The following AP1B1 variants were observed in gnomAD, a reference collection of about 807,000 sequenced individuals.
AP1B1 encodes the protein AP-1 complex subunit beta-1.
Under a neutral mutation model 104.3 loss-of-function variants are expected in AP1B1, and 36 were observed. That is an observed-to-expected ratio of 0.35 (90% confidence interval 0.26 to 0.46). The LOEUF is 0.46. AP1B1 is among the 20% of genes least tolerant of loss of function. AP1B1 has a pLI of 1.00. For synonymous variants in AP1B1, 504 were observed against 517.5 expected (o/e 0.97, Z 0.35); for missense variants, 901 against 1,247.9 (o/e 0.72, Z 4.19).
intron 2 of AP1B1, among the ~76,000 whole-genome samples, chr22:29,366,769 A>G (rs2062144553): frequency 1.3e-5 from 2 of 151,678 alleles, no homozygotes; most frequent in African/African-American, 4.8e-5. Flanking sequence ...ACTGCACTCC[A>G]GCCTGGGTGA....
intron 6 of AP1B1, 94 bp downstream of exon 6, chr22:29,356,332 G>C (rs1164418152): frequency 2.3e-6 from 3 of 1,304,696 alleles, no homozygotes; most frequent in Non-Finnish European, 3.1e-6. Flanking sequence ...CACTAGAAAG[G>C]GGCCCACTAA....
intron 1 of AP1B1, among the ~76,000 whole-genome samples, chr22:29,378,326 G>A (rs1238344188): frequency 6.6e-6 from 1 of 152,040 alleles, no homozygotes; most frequent in Non-Finnish European, 1.5e-5. Context: ...TGAGGCTGAG[G>A]CAGACAGATC....
intron 3 of AP1B1, among the ~76,000 whole-genome samples, chr22:29,361,949 A>G (rs1008155561): frequency 1.3e-5 from 2 of 152,104 alleles, no homozygotes; most frequent in African/African-American, 4.8e-5. Flanking sequence ...GCCCACCACC[A>G]CGCTTGGCTA....
chr22:29,379,389 T>C (rs944784793), intron 1 of AP1B1, among the ~76,000 whole-genome samples: 2 of 152,142 alleles, frequency 1.3e-5, no homozygotes, highest in South Asian at 4.1e-4. Flanking sequence ...TTCTGAACAA[T>C]ACTTAAATTA....
chr22:29,370,452 CAAA>C (rs747171000), intron 1 of AP1B1: 4 of 56,294 alleles, frequency 7.1e-5, no homozygotes, highest in Non-Finnish European at 1.1e-4. Flanking sequence ...GACTCAGTCT[CAAA>C]AAAAAAAAAA....
chr22:29,380,787 CA>C (rs2062424078), intron 1 of AP1B1, among the ~76,000 whole-genome samples: 1 of 152,188 alleles, frequency 6.6e-6, no homozygotes, highest in Non-Finnish European at 1.5e-5. Flanking sequence ...GCTTTGCTGA[CA>C]CCCCATCTCA....
intron 11 of AP1B1, among the ~76,000 whole-genome samples, chr22:29,344,799 G>A (rs2061767224): frequency 6.6e-6 from 1 of 151,826 alleles, no homozygotes; most frequent in Non-Finnish European, 1.5e-5. Flanking sequence ...GATTACAGGC[G>A]TGAGCCCAGC....
intron 2 of AP1B1, among the ~76,000 whole-genome samples, chr22:29,363,573 G>T (rs2062084942): frequency 6.6e-6 from 1 of 151,828 alleles, no homozygotes; most frequent in Non-Finnish European, 1.5e-5. Context: ...GCTTGAATCC[G>T]GGAGGTGGAG....
At chr22:29,337,943 A>G (rs2061661570) in intron 16 of AP1B1, among the ~76,000 whole-genome samples, 1 of 152,110 alleles carries the variant, frequency 6.6e-6, no homozygotes, top group Non-Finnish European at 1.5e-5. Flanking sequence ...TCTTTGCTTA[A>G]AACTTTCCAA....
At chr22:29,348,960 A>G (rs568522372) in intron 11 of AP1B1, among the ~76,000 whole-genome samples, 17 of 152,264 alleles carry the variant, frequency 1.1e-4, no homozygotes, top group Non-Finnish European at 2.1e-4. Flanking sequence ...TCCTATTAAA[A>G]TATGACTATG....
chr22:29,331,766 C>A, intron 18 of AP1B1, 21 bp downstream of exon 18: 5 of 1,614,178 alleles, frequency 3.1e-6, no homozygotes, highest in Non-Finnish European at 4.2e-6. Context: ...GACTGGGGTG[C>A]CTGCCCTGCC....
chr22:29,329,604 G>A, intron 22 of AP1B1, 108 bp downstream of exon 22: 2 of 1,565,762 alleles, frequency 1.3e-6, no homozygotes, highest in Non-Finnish European at 1.7e-6. Context: ...CCCGGGTGAG[G>A]TGAGGCCAAG....
At chr22:29,347,203 G>C (rs1202817792) in intron 11 of AP1B1, among the ~76,000 whole-genome samples, 1 of 152,170 alleles carries the variant, frequency 6.6e-6, no homozygotes, top group Admixed American at 6.6e-5. Flanking sequence ...CCAGAAGAGA[G>C]CATGCTACCC....
At chr22:29,370,095 A>C (rs1344342125) in intron 1 of AP1B1, among the ~76,000 whole-genome samples, 1 of 152,088 alleles carries the variant, frequency 6.6e-6, no homozygotes, top group Admixed American at 6.6e-5. Flanking sequence ...AAGGGGCTAA[A>C]ACTCACAGGC....
chr22:29,330,585 C>T lies in AP1B1; in HGVS notation c.2611+38G>A, dbSNP rs769052622. 5 of 1,613,114 alleles carry T rather than the reference C, an allele frequency of 3.1e-6. No individual in the cohort carries two copies. The Admixed American group carries it at 5.0e-5, about 16-fold the overall frequency. On this transcript the variant is annotated intron_variant, in intron 20 of 22. Transcript: ENST00000357586. The stretch of plus-strand genomic sequence containing the variant: ...CCCAGTCAGCGCGGGGGCCTGGGTA[C>T]AGGCGAGGGGCTGGGGTCGGGGGCT...
intron 8 of AP1B1, 49 bp downstream of exon 8, chr22:29,351,656 G>A: frequency 6.2e-7 from 1 of 1,602,752 alleles, no homozygotes; most frequent in Non-Finnish European, 8.5e-7. Context: ...TGGTGGTGGT[G>A]GAATGGTCCC....
At chr22:29,342,242 G>C (rs572132548) in intron 12 of AP1B1, 43 bp downstream of exon 12, 1 of 1,520,610 alleles carries the variant, frequency 6.6e-7, no homozygotes, top group African/African-American at 1.4e-5. Context: ...CCCTGCTTGA[G>C]TGAGGGCTAT....
chr22:29,350,261 T>C, intron 9 of AP1B1, 111 bp from the exon 10 acceptor site: 1 of 761,336 alleles, frequency 1.3e-6, no homozygotes. Context: ...CACACCTTCC[T>C]CATCACAGTG....
rs751392913 is a variant in AP1B1 at position 29,339,131 on chromosome 22, A to G, written c.2022T>C (p.Ile674=). Residue 674 remains isoleucine (I), a splice_region_variant and synonymous_variant, in exon 16 of 23, where the codon ATT becomes ATC. Transcript: ENST00000357586. ...GAGGTGCCACGAAGTTGGTGCCCCC[A>G]ATCTGGAAAGGGAGGGAAAGAGTCA... ...DSLMGDEPEG[I]GGTNFVAPPT... 1 of 1,614,020 alleles carries G rather than the reference A, an allele frequency of 6.2e-7. No individual in the cohort carries two copies. Among genetic ancestry groups the G allele is most frequent in the Non-Finnish European group, 8.5e-7 (1 of 1,180,040 alleles).
Sources: gnomAD v4.1 joint callset for allele counts (sites outside exome capture counted in the v4.1 genomes callset) on GRCh38, gnomAD v4.1.1 for gene constraint, MANE v1.5 for transcripts, NCBI Gene and HGNC (gene_info 2026-07-23, HGNC 2026-07-21) for gene names.